Variants in SPG11 observed in about 807,000 individuals in gnomAD.
SPG11 encodes the protein spatacsin.
Under a neutral mutation model 274.0 loss-of-function variants are expected in SPG11, and 222 were observed. The observed-to-expected ratio is 0.81, with a 90% CI of 0.73 to 0.91. The LOEUF (loss-of-function observed/expected upper bound fraction) is 0.91. SPG11 is among the 40% of genes least tolerant of loss of function. The pLI is 0.00. For missense variants in SPG11, 3,114 were observed against 2,872.7 expected (o/e 1.08, Z -1.92); for synonymous variants, 1,144 against 1,039.7 (o/e 1.10, Z -1.93).
chr15:44,598,333 GGTT>G lies in SPG11; in HGVS notation c.3930_3932del (p.Thr1312del), dbSNP rs759504944. The stretch of plus-strand genomic sequence containing the variant: ...CTAAGAGAACAAGCAATTCTTCTGT[GGTT>G]GTCTTTTCACCATCAGCTAGTTTAG... On this transcript the variant is annotated inframe_deletion, in exon 23 of 40. Transcript: ENST00000261866. 5.8e-5 allele frequency: 93 copies of G among 1,614,014 alleles called. 1 individual carries two copies. In the East Asian group the frequency reaches 1.8e-3, roughly 31 times the overall value.
chr15:44,596,748 T>C, intron 24 of SPG11, 36 bp downstream of exon 24: 1 of 1,607,340 alleles, frequency 6.2e-7, no homozygotes, highest in Non-Finnish European at 8.5e-7. Flanking sequence ...GTGTTCCTAT[T>C]TCCTTTTGAG....
chr15:44,566,359 C>T, intron 36 of SPG11, 54 bp from the exon 37 acceptor site: 1 of 1,524,472 alleles, frequency 6.6e-7, no homozygotes, highest in Non-Finnish European at 9.0e-7. Flanking sequence ...GCTCACTGTT[C>T]TCATCCCACT....
Position 44,663,391 on chromosome 15 carries a change from T to G in SPG11, c.257A>C (p.His86Pro). Residue 86 changes from histidine (H) to proline (P), a missense_variant and splice_region_variant, in exon 1 of 40, where the codon CAC becomes CCC. Transcript: ENST00000261866. ...GGCCCAACTCTCCCTCAGCACTTAC[T>G]GCCAGAAGGGGCCCTCCAGGCAGCA... The part of the protein sequence containing the change: ...GRCCLEGPFW[H>P]FLWEDSRNSS... 6.2e-7 allele frequency: 1 copy of G among 1,607,304 alleles called. No homozygotes were observed. The highest frequency in any genetic ancestry group is 8.5e-7 in the Non-Finnish European group (1 of 1,177,550).
rs7171781 is a variant in SPG11, at chr15:44,596,428, A to C, written c.4162-73T>G. ...AGCTGGAGCTGAAAATGTTAGAGAA[A>C]AGCATAGACAAAATTATGCTTTCTC... On this transcript the variant is annotated intron_variant, in intron 24 of 39. Transcript: ENST00000261866. 2,042 of 1,544,616 alleles carry C rather than the reference A, an allele frequency of 1.3e-3. 30 individuals are homozygous for C. The African/African-American group carries it at 0.025, about 19-fold the overall frequency.
In SPG11 at chr15:44,567,597, C is replaced by T. The variant is rs2082337023; in HGVS notation, c.6586-5G>A. On this transcript the variant is annotated splice_region_variant and splice_polypyrimidine_tract_variant and intron_variant, in intron 35 of 39. Transcript: ENST00000261866. The stretch of plus-strand genomic sequence containing the variant: ...GGCTGTTTTCAGGGTACCACTCTGC[C>T]CAGAATAAAAGGGAAAAAGCAAGGT... 1 of 1,613,694 alleles carries T rather than the reference C, an allele frequency of 6.2e-7. No individual in the cohort carries two copies. The highest frequency in any genetic ancestry group is 1.7e-5 in the Admixed American group (1 of 59,960).
At chr15:44,569,244 C>G (rs2082368520) in intron 35 of SPG11, among the ~76,000 whole-genome samples, 154 bp downstream of exon 35, 1 of 151,886 alleles carries the variant, frequency 6.6e-6, no homozygotes, top group Admixed American at 6.6e-5. Context: ...GAATCTGAAG[C>G]CACTGGTGAC....
intron 10 of SPG11, among the ~76,000 whole-genome samples, chr15:44,628,302 TCAG>T (rs2083960001): frequency 6.6e-6 from 1 of 152,348 alleles, no homozygotes; most frequent in African/African-American, 2.4e-5. Flanking sequence ...GATCTAATCA[TCAG>T]CAGCAATTCA....
At chr15:44,577,703 A>G (rs905122608) in intron 30 of SPG11, among the ~76,000 whole-genome samples, 7 of 152,162 alleles carry the variant, frequency 4.6e-5, no homozygotes, top group South Asian at 2.1e-4. Flanking sequence ...TACATGTGGC[A>G]TACAAGGACT....
intron 30 of SPG11, among the ~76,000 whole-genome samples, chr15:44,582,760 CG>C (rs888220290): frequency 8.7e-5 from 13 of 149,686 alleles, no homozygotes; most frequent in African/African-American, 2.2e-4. Context: ...AATAGTCTAA[CG>C]AAAAAAAAAA....
At chr15:44,594,374 C>G (rs569398669) in intron 26 of SPG11, among the ~76,000 whole-genome samples, 1 of 151,668 alleles carries the variant, frequency 6.6e-6, no homozygotes, top group Non-Finnish European at 1.5e-5. Context: ...TGCAGTGAGC[C>G]GAGATCGTGC....
At chr15:44,627,524 G>A (rs2083936820) in intron 10 of SPG11, among the ~76,000 whole-genome samples, 1 of 151,872 alleles carries the variant, frequency 6.6e-6, no homozygotes, top group Non-Finnish European at 1.5e-5. Context: ...TTAAAGGAGG[G>A]AAACAGGAAG....
At chr15:44,640,118 G>A (rs1486226080) in intron 7 of SPG11, among the ~76,000 whole-genome samples, 2 of 152,210 alleles carry the variant, frequency 1.3e-5, no homozygotes, top group South Asian at 4.1e-4. Flanking sequence ...GCTGAGGCAG[G>A]AGAATCGCTT....
At position 44,564,583 on chromosome 15, in the gene SPG11, A is replaced by T. The variant is rs762984907; in HGVS notation, c.7115T>A (p.Leu2372Ter). The change falls in exon 39 of 40, where the codon TTA (leucine) becomes TAA (stop). Residue 2372 changes from leucine (L) to a stop codon, truncating the protein, a stop_gained. Transcript: ENST00000261866. LOFTEE classifies it high-confidence loss of function. ...CTCTTCAAATATACTGGACTTTAAT[A>T]ACCTTTGCTGCTTAAATTCTTCCAA... The part of the protein sequence containing the change: ...NYLEEFKQQR[L>*]LKSSIFEEIS... The T allele has an allele frequency of 2.0e-5, 32 of 1,613,900 alleles. No homozygotes were observed. Among genetic ancestry groups the T allele is most frequent in the Non-Finnish European group, 2.5e-5 (30 of 1,179,886 alleles).
At chr15:44,571,568 A>T (rs1567130282) in intron 33 of SPG11, among the ~76,000 whole-genome samples, 1 of 131,308 alleles carries the variant, frequency 7.6e-6, no homozygotes, top group African/African-American at 2.9e-5. Context: ...CGCCATCTCC[A>T]CTCACTGCGA....
At chr15:44,608,358 G>T in intron 19 of SPG11, 86 bp downstream of exon 19, 1 of 1,409,852 alleles carries the variant, frequency 7.1e-7, no homozygotes, top group Non-Finnish European at 1.0e-6. Flanking sequence ...TACATTAAAT[G>T]CCCTCCGGTT....
chr15:44,630,254 C>CT (rs766097770), intron 8 of SPG11, among the ~76,000 whole-genome samples: 51 of 152,312 alleles, frequency 3.3e-4, no homozygotes, highest in Non-Finnish European at 2.5e-4. Flanking sequence ...TGGATTACAT[C>CT]TGTGAGATGT....
At chr15:44,645,817 T>C (rs1456967798) in intron 7 of SPG11, among the ~76,000 whole-genome samples, 1 of 152,098 alleles carries the variant, frequency 6.6e-6, no homozygotes, top group Non-Finnish European at 1.5e-5. Flanking sequence ...AACAGACATG[T>C]CCTTTCATGT....
chr15:44,659,309 A>C lies in SPG11; in HGVS notation c.443-6T>G, dbSNP rs754758152. 1 of 1,604,210 alleles carries C rather than the reference A, an allele frequency of 6.2e-7. No homozygotes were observed. The highest frequency in any genetic ancestry group is 8.5e-7 in the Non-Finnish European group (1 of 1,171,130). On this transcript the variant is annotated splice_polypyrimidine_tract_variant and splice_region_variant and intron_variant, in intron 2 of 39. Transcript: ENST00000261866. Reference sequence around the variant, plus strand: ...CAAAGACAATAAGGAAATACCTACAAAACAAAAGGATATTATTTCAAACTC... The same window carrying C: ...CAAAGACAATAAGGAAATACCTACACAACAAAAGGATATTATTTCAAACTC...
Position 44,595,187 on chromosome 15 carries a change from A to T in SPG11, c.4635+72T>A, listed in dbSNP as rs2083003036. On this transcript the variant is annotated intron_variant, in intron 26 of 39. Coordinates refer to ENST00000261866, the MANE Select transcript of SPG11 (RefSeq NM_025137.4). ...AAAAAAAAATCCAGGGATGGAAATAAGAAAAAGCCAAGAAGGGATATGCTG... is the reference window on the plus strand; with the variant it reads ...AAAAAAAAATCCAGGGATGGAAATATGAAAAAGCCAAGAAGGGATATGCTG... The T allele has an allele frequency of 8.1e-6, 12 of 1,472,826 alleles. No individual in the cohort carries two copies. The South Asian group carries it at 1.4e-4, about 17-fold the overall frequency. The allele number at this position is 1,472,826 out of a possible 1,614,324, so 91.2% of individuals were successfully genotyped here.
Sources: allele counts gnomAD v4.1 joint callset (sites outside exome capture counted in the v4.1 genomes callset), GRCh38; gene constraint gnomAD v4.1.1; transcripts MANE v1.5; gene names NCBI Gene and HGNC (gene_info 2026-07-23, HGNC 2026-07-21).